STIMATE: variants seen among roughly 807,000 people sequenced by gnomAD.
STIMATE encodes STIM activating enhancer.
STIMATE carries 15 observed loss-of-function variants against 36.7 expected under a neutral mutation model. The observed-to-expected ratio is 0.41, with a 90% CI of 0.27 to 0.63. The LOEUF is 0.63. Among genes scored for constraint, STIMATE ranks in the 20% least tolerant of loss-of-function variants. The probability of loss-of-function intolerance (pLI) is 0.32; values close to 1 mark genes in which losing one functional copy is unlikely to be tolerated. For synonymous variants in STIMATE, 163 were observed against 162.3 expected (o/e 1.00, Z -0.03); for missense variants, 305 against 397.3 (o/e 0.77, Z 1.98).
At chr3:52,860,126 T>TAA (rs11295589) in intron 1 of STIMATE, among the ~76,000 whole-genome samples, 26 of 135,460 alleles carry the variant, frequency 1.9e-4, no homozygotes, top group South Asian at 9.2e-4. Flanking sequence ...GTAAAGGGGG[T>TAA]AAAAAAAAAA....
intron 1 of STIMATE, among the ~76,000 whole-genome samples, chr3:52,885,467 G>A (rs1197068148): frequency 6.6e-6 from 1 of 152,144 alleles, no homozygotes; most frequent in South Asian, 2.1e-4. Context: ...ACTCTTTTGA[G>A]GGGTCTATGG....
intron 1 of STIMATE, among the ~76,000 whole-genome samples, chr3:52,881,281 A>G (rs536816431): frequency 6.6e-6 from 1 of 152,294 alleles, no homozygotes; most frequent in Admixed American, 6.5e-5. Context: ...AATTAAACAT[A>G]ATAGAAAATG....
intron 1 of STIMATE, among the ~76,000 whole-genome samples, chr3:52,860,504 G>A (rs1701199855): frequency 6.6e-6 from 1 of 152,136 alleles, no homozygotes; most frequent in African/African-American, 2.4e-5. Context: ...CCTCCACCGA[G>A]AACCCAGGCT....
intron 1 of STIMATE, among the ~76,000 whole-genome samples, chr3:52,864,411 T>C (rs13076033): frequency 0.073 from 11,158 of 152,222 alleles, 528 homozygotes; most frequent in Non-Finnish European, 0.1. Flanking sequence ...ACCAAGTTCC[T>C]AGGCTGCATA....
chr3:52,847,304 A>G, intron 4 of STIMATE: 1 of 1,187,922 alleles, frequency 8.4e-7, no homozygotes. Context: ...AGTCACAGCA[A>G]TAGGGGCCAA....
At chr3:52,841,313 C>T (rs1578795979) in intron 7 of STIMATE, among the ~76,000 whole-genome samples, 1 of 152,250 alleles carries the variant, frequency 6.6e-6, no homozygotes, top group East Asian at 1.9e-4. Flanking sequence ...ACTGAAAAGC[C>T]CCTTTCAAAA....
Position 52,887,994 on chromosome 3 carries a change from GTTTTTTTTTTT to G in STIMATE, c.160+9286_160+9296del, listed in dbSNP as rs71087029. On this transcript the variant is annotated intron_variant, in intron 1 of 7. Transcript: ENST00000355083. ...GCTCTAACTTCATATAACAGAATCA[GTTTTTTTTTTT>G]TTTTTTTTTTTTTTTTGCCAGTAAT... Among the ~76,000 whole-genome samples, 116 of 52,722 alleles carry G rather than the reference GTTTTTTTTTTT, an allele frequency of 2.2e-3. 1 individual carries two copies. Among genetic ancestry groups the G allele is most frequent in the Non-Finnish European group, 2.9e-3 (87 of 29,554 alleles). The allele number at this position is 52,722 out of a possible 152,430, so 34.6% of individuals were successfully genotyped here. A position where few individuals can be genotyped will look rare whatever the true frequency, so the allele number is the denominator to read the frequency against.
chr3:52,843,867 G>A, intron 5 of STIMATE, 69 bp from the exon 6 acceptor site: 1 of 1,595,630 alleles, frequency 6.3e-7, no homozygotes. Context: ...TGGGTGGGTG[G>A]TACCCATAGG....
chr3:52,891,805 T>C (rs1254826929), intron 1 of STIMATE, among the ~76,000 whole-genome samples: 1 of 152,150 alleles, frequency 6.6e-6, no homozygotes, highest in Non-Finnish European at 1.5e-5. Context: ...TTGTGAAACA[T>C]TTTTCAGCCC....
intron 7 of STIMATE, among the ~76,000 whole-genome samples, chr3:52,841,202 C>A (rs1318026876): frequency 1.3e-5 from 2 of 152,234 alleles, no homozygotes; most frequent in Non-Finnish European, 2.9e-5. Flanking sequence ...TCCATCAGGA[C>A]AAACTCAGCA....
At chr3:52,854,889 T>C (rs973227014) in intron 2 of STIMATE, among the ~76,000 whole-genome samples, 3 of 152,234 alleles carry the variant, frequency 2.0e-5, no homozygotes, top group Non-Finnish European at 4.4e-5. Flanking sequence ...AGCTGGTTGA[T>C]GCTGGGGGAA....
chr3:52,855,243 T>A (rs1004575114), intron 2 of STIMATE, among the ~76,000 whole-genome samples, 153 bp downstream of exon 2: 4 of 152,196 alleles, frequency 2.6e-5, no homozygotes, highest in African/African-American at 9.6e-5. Flanking sequence ...CAGTTCCTAA[T>A]GAATTTAATT....
intron 7 of STIMATE, among the ~76,000 whole-genome samples, chr3:52,841,155 C>A (rs1700791824): frequency 6.6e-6 from 1 of 152,234 alleles, no homozygotes; most frequent in South Asian, 2.1e-4. Flanking sequence ...TCTGCTAATG[C>A]TCCCCACTTC....
chr3:52,864,952 C>CTTT (rs71615872), intron 1 of STIMATE, among the ~76,000 whole-genome samples: 2 of 146,706 alleles, frequency 1.4e-5, no homozygotes. Flanking sequence ...TCTCTCTTTT[C>CTTT]TTTTTTTTTT....
intron 1 of STIMATE, among the ~76,000 whole-genome samples, chr3:52,887,714 T>G (rs943094206): frequency 1.3e-5 from 2 of 152,128 alleles, no homozygotes; most frequent in African/African-American, 4.8e-5. Context: ...ACATCCACAC[T>G]AGCCTGGCCT....
intron 1 of STIMATE, among the ~76,000 whole-genome samples, chr3:52,879,973 G>C (rs1701574934): frequency 6.6e-6 from 1 of 152,178 alleles, no homozygotes; most frequent in Admixed American, 6.5e-5. Context: ...GATGTTTCTG[G>C]GGTTGTATCA....
intron 1 of STIMATE, among the ~76,000 whole-genome samples, chr3:52,860,438 C>T (rs1411223941): frequency 6.6e-6 from 1 of 151,656 alleles, no homozygotes; most frequent in Non-Finnish European, 1.5e-5. Flanking sequence ...GCCGTCCAGG[C>T]AGAGGGCTGG....
At chr3:52,843,261 A>G in intron 6 of STIMATE, 1 of 440,140 alleles carries the variant, frequency 2.3e-6, no homozygotes, top group East Asian at 4.4e-5. Context: ...CACGCGTTCC[A>G]GGCCCCTCCC....
intron 1 of STIMATE, among the ~76,000 whole-genome samples, chr3:52,867,360 T>A (rs75529523): frequency 0.029 from 4,491 of 152,280 alleles, 222 homozygotes; most frequent in African/African-American, 0.1. Context: ...CAGCAGGAAG[T>A]CCTGGGACAC....
Sources: gnomAD v4.1 joint callset for allele counts (sites outside exome capture counted in the v4.1 genomes callset) on GRCh38, gnomAD v4.1.1 for gene constraint, MANE v1.5 for transcripts, NCBI Gene and HGNC (gene_info 2026-07-23, HGNC 2026-07-21) for gene names.